Variants in PICK1 observed in about 807,000 individuals in gnomAD.
PICK1 encodes the protein PRKCA-binding protein.
Under a neutral mutation model 48.9 loss-of-function variants are expected in PICK1, and 23 were observed. That is an observed-to-expected ratio of 0.47 (90% CI 0.34 to 0.67). The LOEUF (loss-of-function observed/expected upper bound fraction) is 0.67, where lower values mean the gene tolerates loss of function less well. Among genes scored for constraint, PICK1 ranks in the 30% least tolerant of loss-of-function variants. The probability of loss-of-function intolerance (pLI) is 0.01; values close to 1 mark genes in which losing one functional copy is unlikely to be tolerated. For synonymous variants in PICK1, 217 were observed against 228.2 expected, an observed-to-expected ratio of 0.95 and a Z score of 0.44; for missense variants, 423 against 557.1, an observed-to-expected ratio of 0.76 and a Z score of 2.42.
At position 38,074,294 on chromosome 22, in the gene PICK1, A is replaced by T; in HGVS notation, c.835-13A>T. On this transcript the variant is annotated splice_polypyrimidine_tract_variant and intron_variant, in intron 11 of 12. Coordinates refer to ENST00000356976, the MANE Select transcript of PICK1 (RefSeq NM_012407.4). The surrounding 1 kb of genome is among the most constrained non-coding windows in gnomAD (Gnocchi z 4.5). Reference sequence around the variant, plus strand: ...GTCCCTGAGCAGGCACTCCTGTCCCACCCCCGCCCCAGGCCCTAGGCGAGC... The same window carrying T: ...GTCCCTGAGCAGGCACTCCTGTCCCTCCCCCGCCCCAGGCCCTAGGCGAGC... 1 of 1,574,504 alleles carries T rather than the reference A, an allele frequency of 6.4e-7. No homozygotes were observed. Among genetic ancestry groups the T allele is most frequent in the Non-Finnish European group, 8.7e-7 (1 of 1,149,006 alleles).
At chr22:38,061,100 G>C (rs1001606398) in intron 3 of PICK1, among the ~76,000 whole-genome samples, 1 of 152,036 alleles carries the variant, frequency 6.6e-6, no homozygotes. Context: ...CCAGCACTTT[G>C]GGAGGCTGAG....
Position 38,075,393 on chromosome 22 carries a change from G to C in PICK1, c.*261G>C, listed in dbSNP as rs568111281. 2.6e-4 allele frequency: 132 copies of C among 513,138 alleles called. No homozygotes were observed. In the South Asian group the frequency reaches 3.8e-3, roughly 15 times the overall value. 31.8% of individuals were successfully genotyped at this position (513,138 alleles called of 1,614,324 possible). ...GGCCAGAGGGAGAGCTTGGTCTCTG[G>C]ACCTGCCTTAGGAAGGAGAGGGAGG... On this transcript the variant is annotated 3_prime_UTR_variant, in exon 13 of 13. Transcript: ENST00000356976.
chr22:38,068,511 C>T (rs113585841), intron 5 of PICK1, among the ~76,000 whole-genome samples: 3,974 of 152,262 alleles, frequency 0.026, 172 homozygotes, highest in African/African-American at 0.091. Flanking sequence ...TATCTGGGAG[C>T]TCCCTCCGAA....
rs1255026846 is a variant in PICK1, at chr22:38,066,803, G to A, written c.283-901G>A. Among the ~76,000 whole-genome samples the A allele has an allele frequency of 3.3e-5, 5 of 152,244 alleles. No homozygotes were observed. The highest frequency in any genetic ancestry group is 1.2e-4 in the African/African-American group (5 of 41,472). On this transcript the variant is annotated intron_variant, in intron 4 of 12. Coordinates refer to ENST00000356976, the MANE Select transcript of PICK1 (RefSeq NM_012407.4). This position sits in a 1 kb window ranked among gnomAD's most constrained non-coding sequence, Gnocchi z 4.1. ...TCCCAAGTTCAAGGGCTTTTGGTTT[G>A]CAAGGATGAGAGTGAACACAGCGCC...
At chr22:38,071,837 A>T in intron 8 of PICK1, 93 bp downstream of exon 8, 1 of 1,091,738 alleles carries the variant, frequency 9.2e-7, no homozygotes, top group Admixed American at 1.7e-5. Context: ...ACAGCGCCTG[A>T]CCTCAGGCTC....
intron 7 of PICK1, 24 bp from the exon 8 acceptor site, chr22:38,071,658 C>T (rs375767011): frequency 5.0e-6 from 8 of 1,609,722 alleles, no homozygotes; most frequent in Non-Finnish European, 6.8e-6. Flanking sequence ...GTCCCCATTC[C>T]GCATCACTCG....
intron 9 of PICK1, 50 bp from the exon 10 acceptor site, chr22:38,072,950 C>T (rs1267752504): frequency 8.0e-7 from 1 of 1,250,918 alleles, no homozygotes. Flanking sequence ...CATTGTCACC[C>T]TGGCACACCC....
intron 4 of PICK1, 130 bp from the exon 5 acceptor site, chr22:38,067,574 G>T (rs889133476): frequency 1.3e-6 from 1 of 762,960 alleles, no homozygotes; most frequent in African/African-American, 1.7e-5. Flanking sequence ...CTCCCAAATT[G>T]TTGGGATTAC....
At chr22:38,072,257 AG>A (rs1355731253) in intron 8 of PICK1, among the ~76,000 whole-genome samples, 2 of 152,128 alleles carry the variant, frequency 1.3e-5, no homozygotes, top group African/African-American at 4.8e-5. Flanking sequence ...TCAGGACTCT[AG>A]GGGGCACAGA....
At position 38,072,479 on chromosome 22, in the gene PICK1, T is replaced by A; in HGVS notation, c.559T>A (p.Phe187Ile). Residue 187 changes from phenylalanine (F) to isoleucine (I), a missense_variant and splice_region_variant, in exon 9 of 13, where the codon TTT becomes ATT. Coordinates refer to ENST00000356976, the MANE Select transcript of PICK1 (RefSeq NM_012407.4). ...TTCAAGGCAAACTTGTCCTGCAGCC[T>A]TTGGGGACGTGTTCTCCGTGATCGG... ...FYELSQTHRA[F>I]GDVFSVIGVR... The A allele has an allele frequency of 2.5e-6, 4 of 1,612,882 alleles. No individual in the cohort carries two copies. Among genetic ancestry groups the A allele is most frequent in the Non-Finnish European group, 3.4e-6 (4 of 1,179,950 alleles).
intron 3 of PICK1, among the ~76,000 whole-genome samples, chr22:38,060,205 G>C (rs1340791314): frequency 6.6e-6 from 1 of 152,210 alleles, no homozygotes; most frequent in Non-Finnish European, 1.5e-5. Context: ...GGGTGACCGA[G>C]TGAGACCCTG....
At chr22:38,064,976 C>T in intron 3 of PICK1, 26 bp from the exon 4 acceptor site, 1 of 1,613,442 alleles carries the variant, frequency 6.2e-7, no homozygotes, top group Non-Finnish European at 8.5e-7. Flanking sequence ...CTTTCTTCCC[C>T]CACCACTCTC....
At chr22:38,063,746 G>C (rs1601942508) in intron 3 of PICK1, among the ~76,000 whole-genome samples, 1 of 150,276 alleles carries the variant, frequency 6.7e-6, no homozygotes, top group Non-Finnish European at 1.5e-5. Context: ...AGGCTCAAGC[G>C]ATCCTCCCAC....
At position 38,072,501 on chromosome 22, in the gene PICK1, T is replaced by C. The variant is rs773510787; in HGVS notation, c.581T>C (p.Ile194Thr). The C allele has an allele frequency of 6.2e-7, 1 of 1,613,496 alleles. No individual in the cohort carries two copies. The highest frequency in any genetic ancestry group is 8.5e-7 in the Non-Finnish European group (1 of 1,180,028). ...HRAFGDVFSV[I>T]GVREPQPAAS... The stretch of plus-strand genomic sequence containing the variant: ...GCCTTTGGGGACGTGTTCTCCGTGA[T>C]CGGGGTGCGGGAGCCCCAGCCAGCT... Residue 194 changes from isoleucine (I) to threonine (T), a missense_variant, in exon 9 of 13, where the codon ATC (isoleucine) becomes ACC (threonine). Transcript: ENST00000356976.
At position 38,073,683 on chromosome 22, in the gene PICK1, C is replaced by T; in HGVS notation, c.784-90C>T. 1 of 1,202,182 alleles carries T rather than the reference C, an allele frequency of 8.3e-7. No individual in the cohort carries two copies. The highest frequency in any genetic ancestry group is 1.2e-6 in the Non-Finnish European group (1 of 806,266). The allele number at this position is 1,202,182 out of a possible 1,614,324, so 74.5% of individuals were successfully genotyped here. A position where few individuals can be genotyped will look rare whatever the true frequency, so the allele number is the denominator to read the frequency against. On this transcript the variant is annotated intron_variant, in intron 10 of 12. Coordinates refer to ENST00000356976, the MANE Select transcript of PICK1 (RefSeq NM_012407.4). The surrounding 1 kb of genome is among the most constrained non-coding windows in gnomAD (Gnocchi z 5.7). ...GGACTCCCTGAACACCTGCGCCAGC[C>T]TCTCCTGCTGCGTGTGGGTGATGGG... is the stretch of plus-strand genomic sequence containing the variant.
chr22:38,073,962 C>A lies in PICK1; in HGVS notation c.834+139C>A. 1.1e-6 allele frequency: 1 copy of A among 869,864 alleles called. No individual in the cohort carries two copies. The highest frequency in any genetic ancestry group is 1.9e-6 in the Non-Finnish European group (1 of 535,672). The allele number at this position is 869,864 out of a possible 1,614,324, so 53.9% of individuals were successfully genotyped here. On this transcript the variant is annotated intron_variant, in intron 11 of 12. Coordinates refer to ENST00000356976, the MANE Select transcript of PICK1 (RefSeq NM_012407.4). This position sits in a 1 kb window ranked among gnomAD's most constrained non-coding sequence, Gnocchi z 5.7. ...TCCTGGAGATTTAGGGCCATCTTCC[C>A]AGTCCCGCTCGCTGGGCCTCGGGGT...
In PICK1 at chr22:38,073,607, G is replaced by A. The variant is rs958766474; in HGVS notation, c.784-166G>A. Among the ~76,000 whole-genome samples, 5 of 152,100 alleles carry A rather than the reference G, an allele frequency of 3.3e-5. No homozygotes were observed. Among genetic ancestry groups the A allele is most frequent in the Non-Finnish European group, 7.4e-5 (5 of 68,020 alleles). On this transcript the variant is annotated intron_variant, in intron 10 of 12. Transcript: ENST00000356976. The surrounding 1 kb of genome is among the most constrained non-coding windows in gnomAD (Gnocchi z 5.7). ...GGCCTTGAGTTTGGTCAACTCGGCC[G>A]CCTAAGCCTCAGGCCCTGTCATCCC...
chr22:38,065,481 C>T (rs1227668783), intron 4 of PICK1, among the ~76,000 whole-genome samples: 1 of 152,200 alleles, frequency 6.6e-6, no homozygotes, highest in Non-Finnish European at 1.5e-5. Context: ...CAAGGTGATC[C>T]TCCCTGGGTC....
At chr22:38,071,767 T>A in intron 8 of PICK1, 23 bp downstream of exon 8, 1 of 1,608,084 alleles carries the variant, frequency 6.2e-7, no homozygotes. Flanking sequence ...CCCAAAGCTG[T>A]GGTGTGACCG....
Sources: gnomAD v4.1 joint callset for allele counts (sites outside exome capture counted in the v4.1 genomes callset) on GRCh38, gnomAD v4.1.1 for gene constraint, Gnocchi (gnomAD v3.1) non-coding constraint, MANE v1.5 for transcripts, NCBI Gene and HGNC (gene_info 2026-07-23, HGNC 2026-07-21) for gene names.